Variants in KLHL32 observed in about 807,000 individuals in gnomAD.
KLHL32 encodes kelch-like protein 32.
In KLHL32, 35 loss-of-function variants were observed where a neutral mutation model predicts 64.8. The ratio of observed to expected loss-of-function variants is 0.54; its 90% CI spans 0.41 to 0.72. KLHL32 has a LOEUF of 0.72. KLHL32 is among the 30% of genes least tolerant of loss of function. The probability of loss-of-function intolerance (pLI) is 0.00; values close to 1 mark genes in which losing one functional copy is unlikely to be tolerated. For synonymous variants in KLHL32, 259 were observed against 281.0 expected, an observed-to-expected ratio of 0.92 and a Z score of 0.78; for missense variants, 589 against 768.5, an observed-to-expected ratio of 0.77 and a Z score of 2.76.
At chr6:96,936,594 A>G (rs1220068396) in intron 1 of KLHL32, among the ~76,000 whole-genome samples, 1 of 152,150 alleles carries the variant, frequency 6.6e-6, no homozygotes, top group Non-Finnish European at 1.5e-5. Context: ...TCCCACTACC[A>G]TTCTTGTCCC....
intron 1 of KLHL32, among the ~76,000 whole-genome samples, chr6:96,964,280 G>A (rs563277832): frequency 1.3e-5 from 2 of 152,320 alleles, no homozygotes; most frequent in Admixed American, 6.5e-5. Context: ...GAGGTGGGAA[G>A]AGGGAGAAGA....
At chr6:96,997,996 C>A (rs1335223941) in intron 3 of KLHL32, among the ~76,000 whole-genome samples, 1 of 152,030 alleles carries the variant, frequency 6.6e-6, no homozygotes, top group Non-Finnish European at 1.5e-5. Context: ...TGTAGTGACA[C>A]GTGGTGTTTA....
intron 6 of KLHL32, among the ~76,000 whole-genome samples, chr6:97,088,909 C>T (rs942305256): frequency 6.6e-6 from 1 of 152,162 alleles, no homozygotes; most frequent in African/African-American, 2.4e-5. Flanking sequence ...CCTCTTCTGC[C>T]TTTAGGTTCT....
chr6:96,959,936 A>G (rs1050523090), intron 1 of KLHL32, among the ~76,000 whole-genome samples: 16 of 152,194 alleles, frequency 1.1e-4, no homozygotes, highest in African/African-American at 3.9e-4. Flanking sequence ...ACTTCAGGGT[A>G]TGACTGTGTC....
intron 3 of KLHL32, among the ~76,000 whole-genome samples, chr6:97,011,465 C>G (rs1204703129): frequency 6.6e-6 from 1 of 152,090 alleles, no homozygotes; most frequent in East Asian, 1.9e-4. Flanking sequence ...AATCTCAAAG[C>G]TATAATAAAA....
At chr6:96,950,042 G>C (rs1200749288) in intron 1 of KLHL32, among the ~76,000 whole-genome samples, 1 of 151,946 alleles carries the variant, frequency 6.6e-6, no homozygotes, top group Non-Finnish European at 1.5e-5. Flanking sequence ...GAGCCACAGT[G>C]TATTTTTCAA....
chr6:96,931,206 GT>G (rs578052919), intron 1 of KLHL32, among the ~76,000 whole-genome samples: 31 of 152,162 alleles, frequency 2.0e-4, no homozygotes, highest in African/African-American at 6.5e-4. Flanking sequence ...TTAAATCTAT[GT>G]TTTTTTCTTT....
At chr6:97,014,752 G>T (rs1032897268) in intron 3 of KLHL32, among the ~76,000 whole-genome samples, 2 of 152,208 alleles carry the variant, frequency 1.3e-5, no homozygotes, top group Non-Finnish European at 2.9e-5. Flanking sequence ...AAAGGATGCA[G>T]CCAAGTCTCA....
chr6:97,091,526 G>A (rs1794229775), intron 6 of KLHL32, among the ~76,000 whole-genome samples: 1 of 152,218 alleles, frequency 6.6e-6, no homozygotes, highest in African/African-American at 2.4e-5. Context: ...AGTGTCTGAT[G>A]TGGGGCTTTC....
intron 4 of KLHL32, among the ~76,000 whole-genome samples, chr6:97,059,163 C>A (rs1788474206): frequency 6.6e-6 from 1 of 152,034 alleles, no homozygotes; most frequent in Admixed American, 6.6e-5. Context: ...AGAGATCTTG[C>A]CAAGCTTTGT....
In KLHL32 at chr6:97,114,338, G is replaced by T; in HGVS notation, c.1183G>T (p.Ala395Ser). The part of the protein sequence containing the change: ...KNCREHFVLG[A>S]MEEYLYAVGG... The stretch of plus-strand genomic sequence containing the variant: ...CTGCCGGGAGCATTTTGTGCTGGGT[G>T]CCATGGAGGAATACCTCTATGCAGT... The change falls in exon 7 of 11, where the codon GCC (alanine) becomes TCC (serine). Residue 395 changes from alanine (A) to serine (S), a missense_variant. This residue lies in a region of KLHL32 where 226 missense variants were observed against 353.2 expected (regional missense o/e 0.64). Transcript: ENST00000369261. The T allele has an allele frequency of 6.2e-7, 1 of 1,614,194 alleles. No individual in the cohort carries two copies. The highest frequency in any genetic ancestry group is 1.1e-5 in the South Asian group (1 of 91,076).
At chr6:97,007,977 G>A (rs1779878754) in intron 3 of KLHL32, among the ~76,000 whole-genome samples, 1 of 152,226 alleles carries the variant, frequency 6.6e-6, no homozygotes, top group Non-Finnish European at 1.5e-5. Context: ...GCCAGCGATT[G>A]CAGCAATGCT....
intron 3 of KLHL32, among the ~76,000 whole-genome samples, chr6:97,039,097 A>G (rs1303956653): frequency 1.3e-5 from 2 of 151,574 alleles, no homozygotes; most frequent in African/African-American, 4.8e-5. Flanking sequence ...CTCAAAAAAA[A>G]AAAAAAAAGA....
At chr6:97,094,463 G>C (rs1374236763) in intron 6 of KLHL32, among the ~76,000 whole-genome samples, 1 of 152,168 alleles carries the variant, frequency 6.6e-6, no homozygotes, top group East Asian at 1.9e-4. Flanking sequence ...GAGAAAAGTG[G>C]CCATTCTGAG....
chr6:97,008,068 T>G (rs1262154656), intron 3 of KLHL32, among the ~76,000 whole-genome samples: 1 of 151,922 alleles, frequency 6.6e-6, no homozygotes, highest in African/African-American at 2.4e-5. Context: ...CTCATGCAGG[T>G]GGTTGTGGTG....
At chr6:97,138,226 T>TAAC (rs1212303248) in intron 10 of KLHL32, among the ~76,000 whole-genome samples, 1 of 142,808 alleles carries the variant, frequency 7.0e-6, no homozygotes, top group Non-Finnish European at 1.5e-5. Flanking sequence ...AGGCACTGAC[T>TAAC]AACAGAGGCT....
At chr6:97,102,387 G>T (rs1795847444) in intron 6 of KLHL32, among the ~76,000 whole-genome samples, 1 of 152,022 alleles carries the variant, frequency 6.6e-6, no homozygotes, top group Non-Finnish European at 1.5e-5. Context: ...ATACAGAAGG[G>T]TTTTCTTTTA....
intron 5 of KLHL32, among the ~76,000 whole-genome samples, chr6:97,065,456 C>T (rs1221118105): frequency 1.3e-5 from 2 of 152,152 alleles, no homozygotes; most frequent in Non-Finnish European, 2.9e-5. Flanking sequence ...ATGAAAACTT[C>T]TTGTTAGGTA....
chr6:97,139,033 T>A, intron 10 of KLHL32, 88 bp from the exon 11 acceptor site: 1 of 1,271,892 alleles, frequency 7.9e-7, no homozygotes, highest in Non-Finnish European at 1.1e-6. Flanking sequence ...ATAACTGAAT[T>A]TAAGTTCAGA....
Sources: allele counts gnomAD v4.1 joint callset (sites outside exome capture counted in the v4.1 genomes callset), GRCh38; gene constraint gnomAD v4.1.1; regional missense constraint gnomAD v4.1.1; transcripts MANE v1.5; gene names NCBI Gene and HGNC (gene_info 2026-07-23, HGNC 2026-07-21).